WWOX: variants seen among roughly 807,000 people sequenced by gnomAD.
The protein encoded by WWOX is WW domain-containing oxidoreductase.
Under a neutral mutation model 46.2 loss-of-function variants are expected in WWOX, and 69 were observed. That is an observed-to-expected ratio of 1.49 (90% CI 1.23 to 1.82). The LOEUF is 1.82. Among genes scored for constraint, WWOX ranks in the 40% most tolerant of loss-of-function variants. The probability of loss-of-function intolerance (pLI) is 0.00; values close to 1 mark genes in which losing one functional copy is unlikely to be tolerated. For synonymous variants in WWOX, 359 were observed against 202.6 expected (o/e 1.77, Z -6.56); for missense variants, 919 against 542.6 (o/e 1.69, Z -6.89).
At chr16:78,756,074 C>T (rs2049638883) in intron 8 of WWOX, among the ~76,000 whole-genome samples, 1 of 152,100 alleles carries the variant, frequency 6.6e-6, no homozygotes, top group South Asian at 2.1e-4. Flanking sequence ...ACCCCATCTT[C>T]AGTCTTTTAT....
Position 78,425,168 on chromosome 16 carries a change from G to A in WWOX, c.791+113G>A, listed in dbSNP as rs2083047307. On this transcript the variant is annotated intron_variant, in intron 7 of 8. Coordinates refer to ENST00000566780, the MANE Select transcript of WWOX (RefSeq NM_016373.4). ...CATTAGTCCTGCTTGAGACATGTGGGTGGACTCAGCTTGGCTCACTTAATT... is the reference window on the plus strand; with the variant it reads ...CATTAGTCCTGCTTGAGACATGTGGATGGACTCAGCTTGGCTCACTTAATT... 10 of 1,423,638 alleles carry A rather than the reference G, an allele frequency of 7.0e-6. No individual in the cohort carries two copies. In the South Asian group the frequency reaches 1.2e-4, roughly 17 times the overall value. The allele number at this position is 1,423,638 out of a possible 1,614,324, so 88.2% of individuals were successfully genotyped here.
chr16:79,080,081 A>T (rs151165376), intron 8 of WWOX, among the ~76,000 whole-genome samples: 7,866 of 152,228 alleles, frequency 0.052, 273 homozygotes, highest in Middle Eastern at 0.11. Context: ...GCCCTCATGG[A>T]TTATTGGTTG....
At chr16:78,402,024 A>T (rs2082424339) in intron 6 of WWOX, among the ~76,000 whole-genome samples, 1 of 152,182 alleles carries the variant, frequency 6.6e-6, no homozygotes. Flanking sequence ...AAGCTGTACA[A>T]TTGAGTGATT....
intron 8 of WWOX, among the ~76,000 whole-genome samples, chr16:78,707,018 G>A (rs1410939601): frequency 6.6e-6 from 1 of 152,104 alleles, no homozygotes; most frequent in Admixed American, 6.5e-5. Flanking sequence ...AGGAGACCAT[G>A]ATCCATGTAA....
intron 8 of WWOX, among the ~76,000 whole-genome samples, chr16:78,841,687 T>C (rs1048759868): frequency 1.3e-5 from 2 of 152,206 alleles, no homozygotes; most frequent in African/African-American, 4.8e-5. Flanking sequence ...GTGCAAACAT[T>C]AGACGATTTC....
chr16:78,687,911 CT>C (rs2047899217), intron 8 of WWOX, among the ~76,000 whole-genome samples: 1 of 151,956 alleles, frequency 6.6e-6, no homozygotes, highest in African/African-American at 2.4e-5. Flanking sequence ...CACTCCCTTT[CT>C]TTTGCTAATT....
intron 8 of WWOX, among the ~76,000 whole-genome samples, chr16:79,191,472 A>G (rs2032711270): frequency 6.6e-6 from 1 of 151,928 alleles, no homozygotes; most frequent in South Asian, 2.1e-4. Flanking sequence ...TGCTTATTTC[A>G]AAGTAGCTAC....
At chr16:78,099,966 C>T (rs2031647636) in intron 1 of WWOX, 81 bp downstream of exon 1, 1 of 1,520,356 alleles carries the variant, frequency 6.6e-7, no homozygotes, top group African/African-American at 1.4e-5. Flanking sequence ...GGAGGACGCG[C>T]ACTCCAGCGC....
rs567939475 is a variant in WWOX, at chr16:78,283,191, A to ACAACGTGCCTACCTTCAC, written c.517-103666_517-103649dup. On this transcript the variant is annotated intron_variant, in intron 5 of 8. Coordinates refer to ENST00000566780, the MANE Select transcript of WWOX (RefSeq NM_016373.4). ...GAATCTGGGTTGAGGAGGCAACATGACAACGTGCCTACCTTCACCAGAGAG... is the reference window on the plus strand; with the variant it reads ...GAATCTGGGTTGAGGAGGCAACATGACAACGTGCCTACCTTCACCAACGTGCCTACCTTCACCAGAGAG... Among the ~76,000 whole-genome samples the ACAACGTGCCTACCTTCAC allele has an allele frequency of 1.9e-3, 282 of 152,278 alleles. 3 individuals are homozygous for ACAACGTGCCTACCTTCAC. The highest frequency in any genetic ancestry group is 6.4e-3 in the African/African-American group (267 of 41,550).
At chr16:78,628,573 T>G (rs2046360174) in intron 8 of WWOX, among the ~76,000 whole-genome samples, 1 of 152,166 alleles carries the variant, frequency 6.6e-6, no homozygotes. Context: ...GCAAGGATAA[T>G]TACACAGAAT....
intron 8 of WWOX, among the ~76,000 whole-genome samples, chr16:79,141,065 A>G (rs1413678611): frequency 6.6e-6 from 1 of 152,224 alleles, no homozygotes. Flanking sequence ...GGAAAAGTCA[A>G]GCTGGGAACT....
intron 8 of WWOX, among the ~76,000 whole-genome samples, chr16:78,635,698 CT>C (rs879552311): frequency 1.3e-5 from 2 of 152,162 alleles, no homozygotes; most frequent in Non-Finnish European, 2.9e-5. Context: ...CTACTTAGCG[CT>C]GTCAACATCA....
chr16:78,916,038 C>T (rs1282196322), intron 8 of WWOX, among the ~76,000 whole-genome samples: 2 of 152,150 alleles, frequency 1.3e-5, no homozygotes, highest in African/African-American at 4.8e-5. Context: ...AATTTGGAAC[C>T]ATTGTCTTCT....
intron 6 of WWOX, among the ~76,000 whole-genome samples, chr16:78,393,259 T>C (rs1688697002): frequency 6.6e-6 from 1 of 152,234 alleles, no homozygotes; most frequent in Admixed American, 6.5e-5. Flanking sequence ...TTTTCCTTCC[T>C]AGCAGTAGCT....
At chr16:79,183,517 G>C (rs1033855347) in intron 8 of WWOX, among the ~76,000 whole-genome samples, 2 of 152,136 alleles carry the variant, frequency 1.3e-5, no homozygotes, top group Non-Finnish European at 2.9e-5. Context: ...CTGTGTCTCT[G>C]AATTGGCATC....
chr16:78,585,039 G>A (rs763895151), intron 8 of WWOX, among the ~76,000 whole-genome samples: 3 of 152,146 alleles, frequency 2.0e-5, no homozygotes, highest in African/African-American at 2.4e-5. Flanking sequence ...TTCAGCTGAG[G>A]CCTCCACCCC....
intron 8 of WWOX, among the ~76,000 whole-genome samples, chr16:78,716,477 T>G (rs72799085): frequency 2.0e-5 from 3 of 151,956 alleles, no homozygotes; most frequent in Non-Finnish European, 2.9e-5. Flanking sequence ...AGATGAGTGT[T>G]ATTTGGCAGA....
chr16:78,375,788 C>G (rs1467586064), intron 5 of WWOX, among the ~76,000 whole-genome samples: 1 of 148,136 alleles, frequency 6.8e-6, no homozygotes, highest in Non-Finnish European at 1.5e-5. Context: ...CAAAACAAAA[C>G]AAAACAAAAT....
At chr16:79,088,142 C>T (rs1267390965) in intron 8 of WWOX, among the ~76,000 whole-genome samples, 1 of 152,158 alleles carries the variant, frequency 6.6e-6, no homozygotes, top group African/African-American at 2.4e-5. Flanking sequence ...CAGATAGAAG[C>T]ATCTCATCTC....
Sources: allele counts gnomAD v4.1 joint callset (sites outside exome capture counted in the v4.1 genomes callset), GRCh38; gene constraint gnomAD v4.1.1; transcripts MANE v1.5; gene names NCBI Gene and HGNC (gene_info 2026-07-23, HGNC 2026-07-21).